Variants in FLT1 observed in about 807,000 individuals in gnomAD.
FLT1 encodes the protein fms related receptor tyrosine kinase 1.
A neutral mutation model predicts 156.3 loss-of-function variants in FLT1; 49 were observed. The ratio of observed to expected loss-of-function variants is 0.31; its 90% CI spans 0.25 to 0.40. FLT1 has a LOEUF of 0.40. FLT1 is among the 10% of genes least tolerant of loss of function. The pLI, the probability that FLT1 is intolerant of heterozygous loss-of-function variation, is 1.00. For synonymous variants in FLT1, 594 were observed against 583.8 expected (o/e 1.02, Z -0.25); for missense variants, 1,322 against 1,637.2 (o/e 0.81, Z 3.32).
intron 6 of FLT1, among the ~76,000 whole-genome samples, chr13:28,433,500 C>A (rs1039178819): frequency 6.6e-6 from 1 of 152,216 alleles, no homozygotes; most frequent in Non-Finnish European, 1.5e-5. Context: ...TGATAAATTT[C>A]TCTCTCATCT....
At chr13:28,414,066 C>T (rs1876495737) in intron 10 of FLT1, among the ~76,000 whole-genome samples, 1 of 152,298 alleles carries the variant, frequency 6.6e-6, no homozygotes, top group East Asian at 1.9e-4. Context: ...TGTCATTGGC[C>T]AACATTGAGG....
chr13:28,341,275 G>A (rs1010707599), intron 16 of FLT1, among the ~76,000 whole-genome samples: 3 of 152,202 alleles, frequency 2.0e-5, no homozygotes, highest in African/African-American at 7.2e-5. Flanking sequence ...ATAGTAAAAT[G>A]TTAGTTGGCA....
intron 1 of FLT1, among the ~76,000 whole-genome samples, chr13:28,477,133 T>C (rs1880593763): frequency 1.3e-5 from 2 of 152,348 alleles, no homozygotes; most frequent in South Asian, 4.1e-4. Context: ...TGTCTATGTT[T>C]ATGAGGGAAA....
chr13:28,423,937 C>G (rs1438328353), intron 10 of FLT1, among the ~76,000 whole-genome samples: 3 of 152,066 alleles, frequency 2.0e-5, no homozygotes, highest in Admixed American at 2.0e-4. Context: ...TTTATTATCA[C>G]TTTTCTTTTC....
intron 10 of FLT1, among the ~76,000 whole-genome samples, chr13:28,413,299 G>T (rs991365819): frequency 6.6e-6 from 1 of 152,034 alleles, no homozygotes; most frequent in Non-Finnish European, 1.5e-5. Context: ...CTTCTTCCCA[G>T]CCTCTGCTTT....
intron 12 of FLT1, among the ~76,000 whole-genome samples, chr13:28,390,982 C>G (rs1874677329): frequency 6.6e-6 from 1 of 152,106 alleles, no homozygotes; most frequent in Admixed American, 6.6e-5. Flanking sequence ...CAGCAAAGAC[C>G]ACAGTGGGCC....
At chr13:28,306,503 G>A (rs138506848) in intron 29 of FLT1, among the ~76,000 whole-genome samples, 175 bp downstream of exon 29, 24 of 152,254 alleles carry the variant, frequency 1.6e-4, no homozygotes, top group African/African-American at 4.8e-4. Context: ...CATATGTCCC[G>A]TTTGATGTTC....
In FLT1 at chr13:28,494,874, GC is replaced by G; in HGVS notation, c.-32del. 1 of 1,510,254 alleles carries G rather than the reference GC, an allele frequency of 6.6e-7. No individual in the cohort carries two copies. The allele number at this position is 1,510,254 out of a possible 1,614,324, so 93.6% of individuals were successfully genotyped here. A position where few individuals can be genotyped will look rare whatever the true frequency, so the allele number is the denominator to read the frequency against. ...GCGCGACGCGGCCTGCTCGCCCGGT[GC>G]CCGCGCTCCCCGCGGCCAACGACCC... On this transcript the variant is annotated 5_prime_UTR_variant, in exon 1 of 30. Coordinates refer to ENST00000282397, the MANE Select transcript of FLT1 (RefSeq NM_002019.4).
chr13:28,316,057 C>A (rs1044910409), intron 25 of FLT1, among the ~76,000 whole-genome samples: 3 of 152,222 alleles, frequency 2.0e-5, no homozygotes, highest in African/African-American at 7.2e-5. Context: ...CTAGCTCTAT[C>A]CCCAGCTCTC....
intron 16 of FLT1, among the ~76,000 whole-genome samples, chr13:28,344,407 C>G (rs1450782043): frequency 6.6e-6 from 1 of 152,182 alleles, no homozygotes; most frequent in Non-Finnish European, 1.5e-5. Context: ...TTTTAGGCAG[C>G]TACTCTTTCA....
At chr13:28,331,871 G>A (rs891446829) in intron 18 of FLT1, among the ~76,000 whole-genome samples, 1 of 151,908 alleles carries the variant, frequency 6.6e-6, no homozygotes, top group Non-Finnish European at 1.5e-5. Flanking sequence ...AAAAAAATAG[G>A]CATTTATGAA....
Position 28,447,868 on chromosome 13 carries a change from T to C in FLT1, c.389-9523A>G, listed in dbSNP as rs1340979742. 2.6e-5 allele frequency among the ~76,000 whole-genome samples: 4 copies of C among 151,194 alleles called. No individual in the cohort carries two copies. The East Asian group carries it at 7.7e-4, about 29-fold the overall frequency. ...CTAGAACATATAAAATATATTATAATATACAATTGTATGAAATAATAAAAA... is the reference window on the plus strand; with the variant it reads ...CTAGAACATATAAAATATATTATAACATACAATTGTATGAAATAATAAAAA... On this transcript the variant is annotated intron_variant, in intron 3 of 29. Coordinates refer to ENST00000282397, the MANE Select transcript of FLT1 (RefSeq NM_002019.4).
chr13:28,348,908 C>G (rs1205026273), intron 15 of FLT1, among the ~76,000 whole-genome samples: 2 of 147,036 alleles, frequency 1.4e-5, no homozygotes, highest in African/African-American at 5.2e-5. Context: ...CAGAGCGAGA[C>G]TCCGTCTCAA....
intron 20 of FLT1, among the ~76,000 whole-genome samples, chr13:28,323,619 C>G (rs1461813848): frequency 6.9e-6 from 1 of 145,432 alleles, no homozygotes; most frequent in Non-Finnish European, 1.5e-5. Context: ...CCATTGCACT[C>G]TAGCCTGGCC....
rs1468178679 is a variant in FLT1 at position 28,345,498 on chromosome 13, C to T, written c.2302G>A (p.Ala768Thr). 1 of 1,613,378 alleles carries T rather than the reference C, an allele frequency of 6.2e-7. No homozygotes were observed. Among genetic ancestry groups the T allele is most frequent in the Non-Finnish European group, 8.5e-7 (1 of 1,179,582 alleles). Residue 768 changes from alanine (A) to threonine (T), a missense_variant, in exon 16 of 30, where the codon GCT becomes ACT. Coordinates refer to ENST00000282397, the MANE Select transcript of FLT1 (RefSeq NM_002019.4). Reference protein sequence around the residue: ...ELITLTCTCVAATLFWLLLTL... With the variant: ...ELITLTCTCVTATLFWLLLTL... ...AATAGGAGCCAGAAGAGAGTCGCAG[C>T]CACACAGGTGCATGTTAGAGTGATC...
At chr13:28,457,388 G>T (rs1395950643) in intron 3 of FLT1, among the ~76,000 whole-genome samples, 2 of 152,064 alleles carry the variant, frequency 1.3e-5, no homozygotes, top group African/African-American at 2.4e-5. Context: ...TCCGAACAGG[G>T]ATTTGAAAGC....
chr13:28,452,728 C>T (rs1879019324), intron 3 of FLT1, among the ~76,000 whole-genome samples: 2 of 152,060 alleles, frequency 1.3e-5, no homozygotes, highest in South Asian at 4.2e-4. Context: ...CTCCTATTTT[C>T]CCACCCAGTT....
chr13:28,485,800 C>T (rs1451182212), intron 1 of FLT1, among the ~76,000 whole-genome samples: 3 of 152,158 alleles, frequency 2.0e-5, no homozygotes, highest in Admixed American at 6.5e-5. Flanking sequence ...AACACCGCTG[C>T]CCCCAGGGAA....
Position 28,397,087 on chromosome 13 carries a change from C to T in FLT1, c.1552-19G>A. 2.7e-6 allele frequency: 4 copies of T among 1,458,608 alleles called. No homozygotes were observed. The highest frequency in any genetic ancestry group is 3.9e-6 in the Non-Finnish European group (4 of 1,038,376). 90.4% of individuals were successfully genotyped at this position (1,458,608 alleles called of 1,614,324 possible). A position where few individuals can be genotyped will look rare whatever the true frequency, so the allele number is the denominator to read the frequency against. ...TAGCCATCTGCAAAAGAAAAGGAAACTTTAGCTAGCAACAGGACAAATAAC... is the reference window on the plus strand; with the variant it reads ...TAGCCATCTGCAAAAGAAAAGGAAATTTTAGCTAGCAACAGGACAAATAAC... On this transcript the variant is annotated intron_variant, in intron 11 of 29. Transcript: ENST00000282397.
Sources: gnomAD v4.1 joint callset for allele counts (sites outside exome capture counted in the v4.1 genomes callset) on GRCh38, gnomAD v4.1.1 for gene constraint, MANE v1.5 for transcripts, NCBI Gene and HGNC (gene_info 2026-07-23, HGNC 2026-07-21) for gene names.